NLGN4X: variants seen among roughly 807,000 people sequenced by gnomAD.
The protein encoded by NLGN4X is neuroligin 4 X-linked, also known as neuroligin-4, X-linked.
In NLGN4X, 3 loss-of-function variants were observed where a neutral mutation model predicts 40.3. The observed-to-expected ratio is 0.07, with a 90% CI of 0.03 to 0.19. The LOEUF is 0.19. NLGN4X is among the 10% of genes least tolerant of loss of function. The pLI is 1.00. For synonymous variants in NLGN4X, 270 were observed against 306.8 expected (o/e 0.88, Z 1.25); for missense variants, 382 against 708.3 (o/e 0.54, Z 5.23).
chrX:6,127,415 C>T (rs1374338920), intron 2 of NLGN4X, among the ~76,000 whole-genome samples: 1 of 112,335 alleles, frequency 8.9e-6, no homozygotes, highest in Non-Finnish European at 1.9e-5. Flanking sequence ...TCGAGGCCAG[C>T]CTGGCCAACA....
At chrX:5,989,089 AAAAT>A (rs1205701623) in intron 3 of NLGN4X, among the ~76,000 whole-genome samples, 2 of 94,215 alleles carry the variant, frequency 2.1e-5, no homozygotes, top group African/African-American at 8.3e-5. Context: ...AAAAATAAAA[AAAAT>A]AAAAAAAAAA....
intron 3 of NLGN4X, among the ~76,000 whole-genome samples, chrX:6,026,777 T>C (rs1337140062): frequency 9.0e-6 from 1 of 111,720 alleles, no homozygotes; most frequent in Non-Finnish European, 1.9e-5. Context: ...TCTGTTATCT[T>C]ATGACTTTTA....
At position 5,903,820 on chromosome X, in the gene NLGN4X, G is replaced by A; in HGVS notation, c.858C>T (p.Ser286=). 8.3e-7 allele frequency: 1 copy of A among 1,211,993 alleles called. No homozygotes were observed. Among genetic ancestry groups the A allele is most frequent in the South Asian group, 1.8e-5 (1 of 57,005 alleles). ...AIIQSGTALS[S]WAVNYQPAKY... ...TGGCCGGCTGGTAGTTCACTGCCCA[G>A]CTGGACAGGGCGGTGCCGCTCTGAA... Residue 286 remains serine, a synonymous_variant, in exon 5 of 6, where the codon AGC becomes AGT. Coordinates refer to ENST00000381095, the MANE Select transcript of NLGN4X (RefSeq NM_181332.3).
intron 2 of NLGN4X, among the ~76,000 whole-genome samples, chrX:6,100,368 A>G (rs1027460831): frequency 1.8e-5 from 2 of 112,540 alleles, no homozygotes; most frequent in East Asian, 5.6e-4. Context: ...CCTGTTCCCA[A>G]CACTAGCCTA....
chrX:6,117,237 C>T (rs1345616130), intron 2 of NLGN4X, among the ~76,000 whole-genome samples: 1 of 110,659 alleles, frequency 9.0e-6, no homozygotes, highest in African/African-American at 3.3e-5. Flanking sequence ...CAGTTAATGC[C>T]TTGGACTCCT....
At position 6,136,537 on chromosome X, in the gene NLGN4X, T is replaced by C. The variant is rs184652420; in HGVS notation, c.472+14458A>G. Among the ~76,000 whole-genome samples the C allele has an allele frequency of 2.2e-3, 251 of 112,207 alleles. 1 individual carries two copies. Among genetic ancestry groups the C allele is most frequent in the Non-Finnish European group, 3.9e-3 (207 of 53,268 alleles). On this transcript the variant is annotated intron_variant, in intron 2 of 5. Coordinates refer to ENST00000381095, the MANE Select transcript of NLGN4X (RefSeq NM_181332.3). ...AGCCTCTGTTCCTTGCTGGCTGTTG[T>C]TTCAGAGGCAGCTCTGAGCTTCTTG...
At chrX:5,938,383 G>T (rs1293934574) in intron 3 of NLGN4X, among the ~76,000 whole-genome samples, 1 of 109,853 alleles carries the variant, frequency 9.1e-6, no homozygotes, top group East Asian at 2.9e-4. Flanking sequence ...CGGAGAATTT[G>T]GGGGATGCCT....
At chrX:6,164,521 T>C (rs1044388714) in intron 1 of NLGN4X, among the ~76,000 whole-genome samples, 2 of 112,248 alleles carry the variant, frequency 1.8e-5, no homozygotes, top group Admixed American at 1.9e-4. Context: ...TGGTTGATCA[T>C]GTGGACAGTT....
chrX:6,154,571 G>A (rs946981231), intron 1 of NLGN4X, among the ~76,000 whole-genome samples: 4 of 110,906 alleles, frequency 3.6e-5, no homozygotes, highest in Non-Finnish European at 3.8e-5. Flanking sequence ...TTCACAAAGG[G>A]TGAAACGTGG....
At chrX:6,174,444 G>C (rs2040677910) in intron 1 of NLGN4X, among the ~76,000 whole-genome samples, 1 of 111,747 alleles carries the variant, frequency 8.9e-6, no homozygotes. Context: ...TATACTCAAA[G>C]GAAAATAAAT....
chrX:6,151,005 G>A lies in NLGN4X; in HGVS notation c.462C>T (p.Pro154=), dbSNP rs778491939. 8.3e-7 allele frequency: 1 copy of A among 1,206,325 alleles called. No homozygotes were observed. Among genetic ancestry groups the A allele is most frequent in the Non-Finnish European group, 1.1e-6 (1 of 890,309 alleles). Residue 154 remains proline, a synonymous_variant, in exon 2 of 6, where the codon CCC becomes CCT. Coordinates refer to ENST00000381095, the MANE Select transcript of NLGN4X (RefSeq NM_181332.3). ...EDCLYLNIYV[P]TEDDIHDQNS... ...CAGTGAGGTACTCACCATCTTCCGTGGGCACGTAGATGTTTAAGTAAAGGC... is the reference window on the plus strand; with the variant it reads ...CAGTGAGGTACTCACCATCTTCCGTAGGCACGTAGATGTTTAAGTAAAGGC...
chrX:6,032,235 C>A (rs1391508348), intron 2 of NLGN4X, among the ~76,000 whole-genome samples: 3 of 94,799 alleles, frequency 3.2e-5, no homozygotes, highest in Non-Finnish European at 4.2e-5. Flanking sequence ...GCCCCCCCCC[C>A]CCCAAAAAAA....
intron 2 of NLGN4X, among the ~76,000 whole-genome samples, chrX:6,041,507 TG>T (rs2147260010): frequency 8.9e-6 from 1 of 112,271 alleles, no homozygotes; most frequent in Non-Finnish European, 1.9e-5. Flanking sequence ...TCATTTTTAC[TG>T]ATCAGCTTAA....
intron 3 of NLGN4X, among the ~76,000 whole-genome samples, chrX:6,013,486 C>T (rs767868335): frequency 6.4e-5 from 7 of 109,510 alleles, no homozygotes; most frequent in Admixed American, 9.9e-5. Context: ...AACCCTGCAA[C>T]GGCTAATCAT....
At chrX:6,103,185 G>T (rs1219345444) in intron 2 of NLGN4X, among the ~76,000 whole-genome samples, 1 of 111,770 alleles carries the variant, frequency 8.9e-6, no homozygotes, top group Non-Finnish European at 1.9e-5. Context: ...TACTTACACT[G>T]GTGGCACTCA....
intron 1 of NLGN4X, among the ~76,000 whole-genome samples, chrX:6,170,597 A>G (rs985215563): frequency 8.0e-5 from 9 of 112,225 alleles, no homozygotes; most frequent in Non-Finnish European, 1.7e-4. Flanking sequence ...TCAAACTACT[A>G]CAAGTGTTAT....
chrX:6,185,297 C>T (rs1259266954), intron 1 of NLGN4X, among the ~76,000 whole-genome samples: 1 of 111,987 alleles, frequency 8.9e-6, no homozygotes, highest in Non-Finnish European at 1.9e-5. Flanking sequence ...CCCCATGTCA[C>T]ACTTAAATTG....
intron 1 of NLGN4X, among the ~76,000 whole-genome samples, chrX:6,217,569 T>C (rs4826839): frequency 0.2 from 22,512 of 111,134 alleles, 2,637 homozygotes; most frequent in African/African-American, 0.45. Context: ...GTCCTCATAA[T>C]ATGGTACCGT....
At chrX:6,029,974 A>C (rs369069887) in intron 2 of NLGN4X, among the ~76,000 whole-genome samples, 137 of 111,494 alleles carry the variant, frequency 1.2e-3, no homozygotes, top group African/African-American at 4.2e-3. Context: ...ATGACAAGAA[A>C]GCAAAATCAA....
Sources: gnomAD v4.1 joint callset for allele counts (sites outside exome capture counted in the v4.1 genomes callset) on GRCh38, gnomAD v4.1.1 for gene constraint, MANE v1.5 for transcripts, NCBI Gene and HGNC (gene_info 2026-07-23, HGNC 2026-07-21) for gene names.